Variants in PLA2G4A observed in about 807,000 individuals in gnomAD.
The protein encoded by PLA2G4A is cytosolic phospholipase A2.
In PLA2G4A, 40 loss-of-function variants were observed where a neutral mutation model predicts 81.9. The observed-to-expected ratio is 0.49, with a 90% CI of 0.38 to 0.64. The LOEUF (loss-of-function observed/expected upper bound fraction) is 0.64, where lower values mean the gene tolerates loss of function less well. Ranked by LOEUF, PLA2G4A falls within the 30% of genes least tolerant of loss-of-function variation. PLA2G4A has a pLI of 0.00. For synonymous variants in PLA2G4A, 302 were observed against 296.9 expected (o/e 1.02, Z -0.18); for missense variants, 715 against 905.1 (o/e 0.79, Z 2.69).
intron 2 of PLA2G4A, among the ~76,000 whole-genome samples, chr1:186,865,537 G>T (rs1387012998): frequency 6.6e-6 from 1 of 152,102 alleles, no homozygotes; most frequent in African/African-American, 2.4e-5. Context: ...GGTGCCTATT[G>T]CCAGTTGTGG....
At chr1:186,956,645 C>T (rs1656765241) in intron 14 of PLA2G4A, among the ~76,000 whole-genome samples, 1 of 152,024 alleles carries the variant, frequency 6.6e-6, no homozygotes, top group Non-Finnish European at 1.5e-5. Flanking sequence ...TCCTGAGTAG[C>T]TGGGACTACA....
intron 3 of PLA2G4A, among the ~76,000 whole-genome samples, chr1:186,873,863 C>T (rs1653374396): frequency 1.3e-5 from 2 of 152,022 alleles, no homozygotes; most frequent in Non-Finnish European, 1.5e-5. Context: ...CAGTTCCTTC[C>T]CAGACATGGT....
chr1:186,921,512 G>A (rs1161477330), intron 7 of PLA2G4A, among the ~76,000 whole-genome samples: 1 of 152,174 alleles, frequency 6.6e-6, no homozygotes, highest in African/African-American at 2.4e-5. Context: ...CCAGTATATT[G>A]CTTCTCTCTC....
In PLA2G4A at chr1:186,940,047, T is replaced by C. The variant is rs1309260501; in HGVS notation, c.986T>C (p.Phe329Ser). The C allele has an allele frequency of 1.9e-6, 3 of 1,610,232 alleles. No individual in the cohort carries two copies. The highest frequency in any genetic ancestry group is 1.3e-5 in the African/African-American group (1 of 74,852). Residue 329 changes from phenylalanine to serine, a missense_variant, in exon 10 of 18, where the codon TTC becomes TCC. By Grantham distance (155) the Phe-to-Ser change is radical. Coordinates refer to ENST00000367466, the MANE Select transcript of PLA2G4A (RefSeq NM_024420.3). ...VNTAQCPLPLFTCLHVKPDVS... is the reference protein window; with the variant it reads ...VNTAQCPLPLSTCLHVKPDVS... ...ACTGCACAATGCCCTTTACCTCTTT[T>C]CACCTGTCTTCATGTCAAACCTGAC...
At chr1:186,878,452 G>C (rs957054272) in intron 3 of PLA2G4A, among the ~76,000 whole-genome samples, 11 of 150,856 alleles carry the variant, frequency 7.3e-5, no homozygotes, top group African/African-American at 2.7e-4. Context: ...GAATGTTTTA[G>C]AGTATCCACC....
chr1:186,928,804 T>G (rs1655640872), intron 7 of PLA2G4A, among the ~76,000 whole-genome samples: 1 of 152,188 alleles, frequency 6.6e-6, no homozygotes, highest in African/African-American at 2.4e-5. Flanking sequence ...AAACGCAAGG[T>G]TTTTGGTAAA....
At chr1:186,949,305 G>C (rs1163970511) in intron 12 of PLA2G4A, among the ~76,000 whole-genome samples, 9 of 134,788 alleles carry the variant, frequency 6.7e-5, no homozygotes, top group Non-Finnish European at 1.1e-4. Flanking sequence ...GAAAAAGAAA[G>C]AAAGAGAAAG....
intron 15 of PLA2G4A, among the ~76,000 whole-genome samples, chr1:186,975,859 C>G (rs1657512014): frequency 6.6e-6 from 1 of 152,190 alleles, no homozygotes; most frequent in Non-Finnish European, 1.5e-5. Context: ...GCCTTTCACG[C>G]TGCACAACCC....
At chr1:186,927,830 A>G (rs1655604206) in intron 7 of PLA2G4A, among the ~76,000 whole-genome samples, 1 of 152,194 alleles carries the variant, frequency 6.6e-6, no homozygotes, top group Non-Finnish European at 1.5e-5. Context: ...AGAGAAATCA[A>G]CCTTGAGTTG....
chr1:186,922,994 G>A (rs376120786), intron 7 of PLA2G4A, among the ~76,000 whole-genome samples: 8 of 152,164 alleles, frequency 5.3e-5, no homozygotes, highest in South Asian at 2.1e-4. Context: ...TATGTCAGTC[G>A]TCAATGTTTA....
chr1:186,918,426 G>A (rs972779036), intron 7 of PLA2G4A, among the ~76,000 whole-genome samples: 9 of 152,214 alleles, frequency 5.9e-5, no homozygotes, highest in African/African-American at 1.9e-4. Context: ...CAGAGTCAGT[G>A]TAGATGTTTA....
rs560409141 is a variant in PLA2G4A at position 186,966,832 on chromosome 1, T to C, written c.1764+1239T>C. Among the ~76,000 whole-genome samples, 2 of 152,352 alleles carry C rather than the reference T, an allele frequency of 1.3e-5. 1 individual carries two copies. Among genetic ancestry groups the C allele is most frequent in the East Asian group, 3.9e-4 (2 of 5,184 alleles). On this transcript the variant is annotated intron_variant, in intron 15 of 17. Transcript: ENST00000367466. Reference sequence around the variant, plus strand: ...ATCATAGTATGTTGTATGTTTTTGCTTACATATATATTGCTTTCACTGTCT... The same window carrying C: ...ATCATAGTATGTTGTATGTTTTTGCCTACATATATATTGCTTTCACTGTCT...
intron 1 of PLA2G4A, among the ~76,000 whole-genome samples, chr1:186,837,909 T>A (rs1199227426): frequency 2.0e-5 from 3 of 151,996 alleles, no homozygotes; most frequent in Admixed American, 6.6e-5. Context: ...GAACATTGCC[T>A]CCTTTGTGGC....
chr1:186,940,937 G>T (rs188567447), intron 10 of PLA2G4A, among the ~76,000 whole-genome samples: 6 of 152,114 alleles, frequency 3.9e-5, no homozygotes, highest in Admixed American at 3.3e-4. Context: ...TAAAATCTCA[G>T]GAGTGAACAC....
chr1:186,939,622 A>G (rs1172294593), intron 9 of PLA2G4A, among the ~76,000 whole-genome samples: 1 of 152,192 alleles, frequency 6.6e-6, no homozygotes, highest in Non-Finnish European at 1.5e-5. Flanking sequence ...GGGATCGCAT[A>G]GAACAGACTC....
chr1:186,973,404 A>G (rs1398546006), intron 15 of PLA2G4A, among the ~76,000 whole-genome samples: 3 of 152,192 alleles, frequency 2.0e-5, no homozygotes, highest in Non-Finnish European at 4.4e-5. Context: ...GGGCCCACCT[A>G]CGTAATCCAA....
intron 1 of PLA2G4A, among the ~76,000 whole-genome samples, chr1:186,836,382 T>C (rs1044611502): frequency 1.3e-5 from 2 of 151,740 alleles, no homozygotes; most frequent in Non-Finnish European, 2.9e-5. Flanking sequence ...AGATGTAATT[T>C]AAACAGATAA....
At chr1:186,982,487 C>A (rs750983241) in intron 17 of PLA2G4A, among the ~76,000 whole-genome samples, 2 of 152,088 alleles carry the variant, frequency 1.3e-5, no homozygotes, top group East Asian at 1.9e-4. Context: ...TATCTTGTAC[C>A]CCTGAAGGTC....
intron 3 of PLA2G4A, among the ~76,000 whole-genome samples, chr1:186,871,062 G>A (rs933496751): frequency 1.3e-5 from 2 of 152,158 alleles, no homozygotes; most frequent in African/African-American, 4.8e-5. Context: ...TAAACAAGCT[G>A]CCTCTGTGAG....
Sources: allele counts gnomAD v4.1 joint callset (sites outside exome capture counted in the v4.1 genomes callset), GRCh38; gene constraint gnomAD v4.1.1; transcripts MANE v1.5; gene names NCBI Gene and HGNC (gene_info 2026-07-23, HGNC 2026-07-21).